Variants in DCPS observed in about 807,000 individuals in gnomAD.
The protein encoded by DCPS is m7GpppX diphosphatase.
In DCPS, 27 loss-of-function variants were observed where a neutral mutation model predicts 34.7. The ratio of observed to expected loss-of-function variants is 0.78; its 90% confidence interval spans 0.57 to 1.07. The LOEUF is 1.07. DCPS is among the 50% of genes least tolerant of loss of function. The probability of loss-of-function intolerance (pLI) is 0.00; values close to 1 mark genes in which losing one functional copy is unlikely to be tolerated. For missense variants in DCPS, 464 were observed against 436.9 expected, an observed-to-expected ratio of 1.06 and a Z score of -0.55; for synonymous variants, 185 against 185.7, an observed-to-expected ratio of 1.00 and a Z score of 0.03.
At chr11:126,340,076 T>C (rs958340964) in intron 4 of DCPS, among the ~76,000 whole-genome samples, 3 of 152,204 alleles carry the variant, frequency 2.0e-5, no homozygotes, top group African/African-American at 7.2e-5. Flanking sequence ...TGAATGCATT[T>C]GAGCCCACGG....
rs1048532281 is a variant in DCPS, at chr11:126,333,365, T to A, written c.522+1815T>A. On this transcript the variant is annotated intron_variant, in intron 3 of 5. Coordinates refer to ENST00000263579, the MANE Select transcript of DCPS (RefSeq NM_014026.6). This position sits in a 1 kb window ranked among gnomAD's most constrained non-coding sequence, Gnocchi z 5.7. ...GCCAGGCTTTGGAGAGTCACCAAGA[T>A]GATGAAACCTAGACAGGATCTTCAC... Among the ~76,000 whole-genome samples the A allele has an allele frequency of 7.9e-5, 12 of 152,202 alleles. No homozygotes were observed. The highest frequency in any genetic ancestry group is 2.4e-4 in the African/African-American group (10 of 41,444).
At chr11:126,339,260 C>G (rs909402905) in intron 4 of DCPS, among the ~76,000 whole-genome samples, 2 of 152,192 alleles carry the variant, frequency 1.3e-5, no homozygotes, top group African/African-American at 4.8e-5. Context: ...CTCTCCTGCA[C>G]TTTCACCTGT....
chr11:126,313,363 G>A lies in DCPS; in HGVS notation c.376+6619G>A, dbSNP rs1198905684. Reference sequence around the variant, plus strand: ...AGGGGTGAGGACTTGTTTGGAAGGAGCATTTTAAAAGACAAGTCATTCTCA... The same window carrying A: ...AGGGGTGAGGACTTGTTTGGAAGGAACATTTTAAAAGACAAGTCATTCTCA... On this transcript the variant is annotated intron_variant, in intron 2 of 5. Transcript: ENST00000263579. This position sits in a 1 kb window ranked among gnomAD's most constrained non-coding sequence, Gnocchi z 4.9. Among the ~76,000 whole-genome samples the A allele has an allele frequency of 6.6e-6, 1 of 152,192 alleles. No individual in the cohort carries two copies. The highest frequency in any genetic ancestry group is 1.5e-5 in the Non-Finnish European group (1 of 68,038).
At chr11:126,306,233 T>C (rs1425832067) in intron 1 of DCPS, among the ~76,000 whole-genome samples, 1 of 151,870 alleles carries the variant, frequency 6.6e-6, no homozygotes, top group African/African-American at 2.4e-5. Context: ...ATTAGCCAGA[T>C]GTGGTGGCAT....
chr11:126,327,519 G>A lies in DCPS; in HGVS notation c.377-3886G>A, dbSNP rs1318510509. On this transcript the variant is annotated intron_variant, in intron 2 of 5. Transcript: ENST00000263579. This position sits in a 1 kb window ranked among gnomAD's most constrained non-coding sequence, Gnocchi z 4.1. ...ATTTTTGAGACTGTGCCTGTGTATC[G>A]TGTTTCCCAACGTGTTTTCACCTGA... Among the ~76,000 whole-genome samples, 6 of 152,158 alleles carry A rather than the reference G, an allele frequency of 3.9e-5. No individual in the cohort carries two copies. Among genetic ancestry groups the A allele is most frequent in the African/African-American group, 2.4e-5 (1 of 41,442 alleles).
At position 126,312,587 on chromosome 11, in the gene DCPS, C is replaced by A. The variant is rs1162157136; in HGVS notation, c.376+5843C>A. On this transcript the variant is annotated intron_variant, in intron 2 of 5. Coordinates refer to ENST00000263579, the MANE Select transcript of DCPS (RefSeq NM_014026.6). This position sits in a 1 kb window ranked among gnomAD's most constrained non-coding sequence, Gnocchi z 5.1. ...AACTCCTGATCTCGGGTGATCCGCC[C>A]GCTTTGGCTGCTCAGAGTGCTGGGA... is the stretch of plus-strand genomic sequence containing the variant. Among the ~76,000 whole-genome samples the A allele has an allele frequency of 1.3e-5, 2 of 152,046 alleles. No homozygotes were observed. Among genetic ancestry groups the A allele is most frequent in the South Asian group, 2.1e-4 (1 of 4,822 alleles).
rs1474088423 is a variant in DCPS, at chr11:126,331,850, ATT to A, written c.522+303_522+304del. On this transcript the variant is annotated intron_variant, in intron 3 of 5. Transcript: ENST00000263579. This position sits in a 1 kb window ranked among gnomAD's most constrained non-coding sequence, Gnocchi z 7.2. The stretch of plus-strand genomic sequence containing the variant: ...AGAAGGCCTGGGGCGGGCAATTGCC[ATT>A]TTATATCGCATGGCGAGAGAAGGCT... Among the ~76,000 whole-genome samples, 1 of 152,130 alleles carries A rather than the reference ATT, an allele frequency of 6.6e-6. No homozygotes were observed. The highest frequency in any genetic ancestry group is 1.5e-5 in the Non-Finnish European group (1 of 68,010).
At chr11:126,318,918 CT>C (rs1489780856) in intron 2 of DCPS, among the ~76,000 whole-genome samples, 2 of 152,206 alleles carry the variant, frequency 1.3e-5, no homozygotes, top group East Asian at 3.9e-4. Flanking sequence ...GCTAAGCTAG[CT>C]TTGGCAGGGA....
chr11:126,326,848 G>A lies in DCPS; in HGVS notation c.377-4557G>A, dbSNP rs564509807. 5.9e-5 allele frequency among the ~76,000 whole-genome samples: 9 copies of A among 152,102 alleles called. No homozygotes were observed. The South Asian group carries it at 8.3e-4, about 14-fold the overall frequency. On this transcript the variant is annotated intron_variant, in intron 2 of 5. Coordinates refer to ENST00000263579, the MANE Select transcript of DCPS (RefSeq NM_014026.6). ...TGAGGCAGGAGAATGGCGTGAGCCC[G>A]GGAGGCGGAGCTTGCAGTGAGCCGA...
chr11:126,340,621 A>G (rs938141407), intron 4 of DCPS, among the ~76,000 whole-genome samples: 3 of 152,238 alleles, frequency 2.0e-5, no homozygotes, highest in Admixed American at 1.3e-4. Context: ...CTGGGCTTCT[A>G]TCCTTTGTCT....
In DCPS at chr11:126,345,505, C is replaced by A. The variant is rs148207687; in HGVS notation, c.906C>A (p.Ile302=). 6.2e-7 allele frequency: 1 copy of A among 1,613,978 alleles called. No homozygotes were observed. The highest frequency in any genetic ancestry group is 1.7e-5 in the Admixed American group (1 of 60,004). ...GGGCCCACCTGCTGGCTGAGGTGAT[C>A]GAGAACTTGGAGTGTGACCCTAGGC... is the stretch of plus-strand genomic sequence containing the variant. The part of the protein sequence containing the change: ...VERAHLLAEV[I]ENLECDPRHY... Residue 302 remains isoleucine (I), a synonymous_variant, in exon 6 of 6, where the codon ATC becomes ATA. Coordinates refer to ENST00000263579, the MANE Select transcript of DCPS (RefSeq NM_014026.6). This position sits in a 1 kb window ranked among gnomAD's most constrained non-coding sequence, Gnocchi z 7.4.
chr11:126,347,730 T>C lies in DCPS; in HGVS notation c.*2117T>C, dbSNP rs1043787079. 2.0e-5 allele frequency among the ~76,000 whole-genome samples: 3 copies of C among 152,026 alleles called. No homozygotes were observed. The highest frequency in any genetic ancestry group is 2.4e-5 in the African/African-American group (1 of 41,388). ...CAGCTGCTGGGGTCTTGGCAGGAGG[T>C]TGGATGGAGGTCTTCTCCCAGAGCA... is the stretch of plus-strand genomic sequence containing the variant. On this transcript the variant is annotated 3_prime_UTR_variant, in exon 6 of 6. Transcript: ENST00000263579. The surrounding 1 kb of genome is among the most constrained non-coding windows in gnomAD (Gnocchi z 4.2).
rs930451753 is a variant in DCPS, at chr11:126,331,860, G to A, written c.522+310G>A. On this transcript the variant is annotated intron_variant, in intron 3 of 5. Transcript: ENST00000263579. This position sits in a 1 kb window ranked among gnomAD's most constrained non-coding sequence, Gnocchi z 7.2. ...GGGCGGGCAATTGCCATTTTATATC[G>A]CATGGCGAGAGAAGGCTTTGGGGGT... Among the ~76,000 whole-genome samples, 1 of 152,152 alleles carries A rather than the reference G, an allele frequency of 6.6e-6. No homozygotes were observed. Among genetic ancestry groups the A allele is most frequent in the Admixed American group, 6.5e-5 (1 of 15,286 alleles).
Position 126,332,390 on chromosome 11 carries a change from T to A in DCPS, c.522+840T>A, listed in dbSNP as rs550437180. 5.9e-5 allele frequency among the ~76,000 whole-genome samples: 9 copies of A among 152,288 alleles called. No individual in the cohort carries two copies. The highest frequency in any genetic ancestry group is 1.9e-4 in the East Asian group (1 of 5,166). On this transcript the variant is annotated intron_variant, in intron 3 of 5. Transcript: ENST00000263579. This position sits in a 1 kb window ranked among gnomAD's most constrained non-coding sequence, Gnocchi z 5.4. ...ACTCAGAGTTAAATATGACTGATGC[T>A]TATTGATGAGTCAGTTTCTTGCCCA...
rs752634906 is a variant in DCPS at position 126,312,807 on chromosome 11, A to G, written c.376+6063A>G. ...ATGGTGTTGCCTCTTATTTTTTTCC[A>G]CCTTTCAATTTATGTGAGCTTTAAA... On this transcript the variant is annotated intron_variant, in intron 2 of 5. Transcript: ENST00000263579. The surrounding 1 kb of genome is among the most constrained non-coding windows in gnomAD (Gnocchi z 5.1). Among the ~76,000 whole-genome samples, 3 of 151,804 alleles carry G rather than the reference A, an allele frequency of 2.0e-5. No homozygotes were observed. Among genetic ancestry groups the G allele is most frequent in the Admixed American group, 1.3e-4 (2 of 15,178 alleles).
rs199813170 is a variant in DCPS at position 126,345,480 on chromosome 11, G to T, written c.881G>T (p.Arg294Leu). Residue 294 changes from arginine to leucine, a missense_variant, in exon 6 of 6, where the codon CGG becomes CTG. By Grantham distance (102) the Arg-to-Leu change is moderately radical. Transcript: ENST00000263579. The surrounding 1 kb of genome is among the most constrained non-coding windows in gnomAD (Gnocchi z 7.4). ...GFEAPGSGVE[R>L]AHLLAEVIEN... ...GAGGCCCCCGGCTCAGGCGTGGAGC[G>T]GGCCCACCTGCTGGCTGAGGTGATC... 6.2e-7 allele frequency: 1 copy of T among 1,614,008 alleles called. No individual in the cohort carries two copies. Among genetic ancestry groups the T allele is most frequent in the African/African-American group, 1.3e-5 (1 of 74,942 alleles).
Position 126,327,238 on chromosome 11 carries a change from A to T in DCPS, c.377-4167A>T, listed in dbSNP as rs144704183. On this transcript the variant is annotated intron_variant, in intron 2 of 5. Coordinates refer to ENST00000263579, the MANE Select transcript of DCPS (RefSeq NM_014026.6). The surrounding 1 kb of genome is among the most constrained non-coding windows in gnomAD (Gnocchi z 4.1). ...TCCTCAGCCTTCTTTGTCCTTCCTA[A>T]CTTTGACATTTTTGTAGTGTTATAA... Among the ~76,000 whole-genome samples, 18 of 152,100 alleles carry T rather than the reference A, an allele frequency of 1.2e-4. No individual in the cohort carries two copies. The highest frequency in any genetic ancestry group is 4.3e-4 in the African/African-American group (18 of 41,504).
intron 2 of DCPS, among the ~76,000 whole-genome samples, chr11:126,324,234 T>C (rs1951725634): frequency 6.6e-6 from 1 of 152,230 alleles, no homozygotes. Context: ...TGACAAATAA[T>C]TGTGCATAAT....
Position 126,312,237 on chromosome 11 carries a change from G to A in DCPS, c.376+5493G>A, listed in dbSNP as rs1951622698. ...TGAGCCACCGCATCTGGCCAGAAGT[G>A]AAACTTTAAACAATGCTTACCCATC... On this transcript the variant is annotated intron_variant, in intron 2 of 5. Transcript: ENST00000263579. The surrounding 1 kb of genome is among the most constrained non-coding windows in gnomAD (Gnocchi z 5.1). Among the ~76,000 whole-genome samples the A allele has an allele frequency of 6.6e-6, 1 of 152,114 alleles. No individual in the cohort carries two copies. The highest frequency in any genetic ancestry group is 1.9e-4 in the East Asian group (1 of 5,188).
Sources: gnomAD v4.1 joint callset for allele counts (sites outside exome capture counted in the v4.1 genomes callset) on GRCh38, gnomAD v4.1.1 for gene constraint, Gnocchi (gnomAD v3.1) non-coding constraint, MANE v1.5 for transcripts, NCBI Gene and HGNC (gene_info 2026-07-23, HGNC 2026-07-21) for gene names.